Variants in SCPEP1 observed in about 807,000 individuals in gnomAD.
SCPEP1 encodes retinoid-inducible serine carboxypeptidase.
A neutral mutation model predicts 63.8 loss-of-function variants in SCPEP1; 51 were observed. That is an observed-to-expected ratio of 0.80 (90% CI 0.64 to 1.01). The LOEUF is 1.01. Among genes scored for constraint, SCPEP1 ranks in the 50% least tolerant of loss-of-function variants. SCPEP1 has a pLI of 0.00. For missense variants in SCPEP1, 499 were observed against 554.9 expected, an observed-to-expected ratio of 0.90 and a Z score of 1.01; for synonymous variants, 204 against 207.8, an observed-to-expected ratio of 0.98 and a Z score of 0.16.
chr17:56,995,116 G>A, intron 7 of SCPEP1, 98 bp downstream of exon 7: 2 of 1,113,590 alleles, frequency 1.8e-6, no homozygotes, highest in Non-Finnish European at 2.7e-6. Flanking sequence ...GTTTGCCTAT[G>A]TGGTTGACAC....
intron 3 of SCPEP1, chr17:56,987,445 A>C (rs1911255133): frequency 9.5e-6 from 3 of 314,708 alleles, no homozygotes; most frequent in African/African-American, 2.2e-5. Context: ...CGTGTGTGTT[A>C]ATCTTTCCTT....
chr17:56,981,682 C>T (rs760328503), intron 2 of SCPEP1, among the ~76,000 whole-genome samples: 3 of 152,124 alleles, frequency 2.0e-5, no homozygotes, highest in Admixed American at 6.6e-5. Context: ...ATTATCCAGG[C>T]ATGGTAGCAC....
chr17:56,985,016 G>A (rs1412903103), intron 2 of SCPEP1: 2 of 248,554 alleles, frequency 8.0e-6, no homozygotes, highest in African/African-American at 2.3e-5. Flanking sequence ...GAGGCGGGAG[G>A]ATCACTTGAA....
chr17:57,005,234 AG>A (rs892479274), intron 12 of SCPEP1, among the ~76,000 whole-genome samples: 2 of 152,188 alleles, frequency 1.3e-5, no homozygotes, highest in Non-Finnish European at 2.9e-5. Flanking sequence ...TTTTCCAATG[AG>A]GGATGCTCAG....
At chr17:57,002,296 A>T in intron 12 of SCPEP1, 115 bp downstream of exon 12, 1 of 997,490 alleles carries the variant, frequency 1.0e-6, no homozygotes, top group African/African-American at 1.6e-5. Context: ...CGAGGGCCCG[A>T]GGGCCAGGTA....
chr17:57,000,897 T>C lies in SCPEP1; in HGVS notation c.1037T>C (p.Met346Thr). Residue 346 changes from methionine to threonine, a missense_variant, in exon 11 of 13, where the codon ATG (methionine) becomes ACG (threonine). By Grantham distance (81) the Met-to-Thr change is moderately conservative. Coordinates refer to ENST00000262288, the MANE Select transcript of SCPEP1 (RefSeq NM_021626.3). ...NVFVNMEEDF[M>T]KPVISIVDEL... ...TTTGTGAACATGGAGGAGGACTTCA[T>C]GAAGCCAGTCATTAGCATTGTGGAC... 1 of 1,614,194 alleles carries C rather than the reference T, an allele frequency of 6.2e-7. No individual in the cohort carries two copies. Among genetic ancestry groups the C allele is most frequent in the Non-Finnish European group, 8.5e-7 (1 of 1,180,042 alleles).
At chr17:57,001,655 C>T (rs869173540) in intron 11 of SCPEP1, among the ~76,000 whole-genome samples, 2 of 152,114 alleles carry the variant, frequency 1.3e-5, no homozygotes, top group African/African-American at 4.8e-5. Flanking sequence ...ATGAACATCC[C>T]AGGTGATCCT....
At chr17:57,002,452 A>G (rs1911767989) in intron 12 of SCPEP1, among the ~76,000 whole-genome samples, 1 of 152,242 alleles carries the variant, frequency 6.6e-6, no homozygotes, top group South Asian at 2.1e-4. Flanking sequence ...ACAGAGGCTC[A>G]TGCCTGCAAT....
At chr17:56,979,848 C>T (rs1489019861) in intron 1 of SCPEP1, among the ~76,000 whole-genome samples, 2 of 151,994 alleles carry the variant, frequency 1.3e-5, no homozygotes, top group African/African-American at 4.8e-5. Flanking sequence ...TTCTTTTGTA[C>T]AGTCTCTGGG....
chr17:57,001,785 C>G (rs1207114094), intron 11 of SCPEP1, among the ~76,000 whole-genome samples: 2 of 152,208 alleles, frequency 1.3e-5, no homozygotes, highest in African/African-American at 4.8e-5. Flanking sequence ...CAAAATCAGT[C>G]AGGCTTTGCA....
chr17:56,994,106 G>T (rs887558616), intron 6 of SCPEP1, among the ~76,000 whole-genome samples: 2 of 152,210 alleles, frequency 1.3e-5, no homozygotes, highest in African/African-American at 2.4e-5. Flanking sequence ...GGAGACCAAA[G>T]CGAGCAGATT....
At position 57,006,366 on chromosome 17, in the gene SCPEP1, T is replaced by C. The variant is rs1291036806; in HGVS notation, c.*131T>C. The stretch of plus-strand genomic sequence containing the variant: ...TGTGATCAAGAAGGTTCTGACCAGC[T>C]TCTGCAGAGGATAAAATCATTGTCT... On this transcript the variant is annotated 3_prime_UTR_variant, in exon 13 of 13. Transcript: ENST00000262288. 9.2e-6 allele frequency: 5 copies of C among 541,578 alleles called. No homozygotes were observed. The highest frequency in any genetic ancestry group is 1.6e-5 in the Non-Finnish European group (5 of 316,120). 33.5% of individuals were successfully genotyped at this position (541,578 alleles called of 1,614,324 possible).
intron 3 of SCPEP1, 94 bp from the exon 4 acceptor site, chr17:56,987,601 G>A (rs1911261806): frequency 7.9e-7 from 1 of 1,258,610 alleles, no homozygotes; most frequent in Admixed American, 2.0e-5. Context: ...ATCCTCACAT[G>A]TGTGGGTTTT....
At chr17:57,000,795 A>C in intron 10 of SCPEP1, 60 bp from the exon 11 acceptor site, 4 of 1,598,616 alleles carry the variant, frequency 2.5e-6, no homozygotes, top group Non-Finnish European at 3.4e-6. Context: ...CTGGGCTGAA[A>C]GGTACCTCCT....
chr17:56,995,064 A>G, intron 7 of SCPEP1, 46 bp downstream of exon 7: 1 of 1,538,504 alleles, frequency 6.5e-7, no homozygotes, highest in South Asian at 1.1e-5. Context: ...AGCCCAGCAG[A>G]TCTCTTCTGG....
rs759316997 is a variant in SCPEP1, at chr17:56,988,294, A to G, written c.546+4A>G. 6 of 1,602,994 alleles carry G rather than the reference A, an allele frequency of 3.7e-6. No homozygotes were observed. The highest frequency in any genetic ancestry group is 5.1e-6 in the Non-Finnish European group (6 of 1,172,458). On this transcript the variant is annotated splice_donor_region_variant and intron_variant, in intron 5 of 12. Transcript: ENST00000262288. ...CATTGGTCTAGAGCTTTATAAGGTA[A>G]TGGAAAATAACTTTGTTGTTATGGT...
At position 57,006,177 on chromosome 17, in the gene SCPEP1, C is replaced by T. The variant is rs781317539; in HGVS notation, c.1301C>T (p.Pro434Leu). The change falls in exon 13 of 13, where the codon CCT becomes CTT. Residue 434 changes from proline to leucine, a missense_variant. Physicochemically the swap from Pro to Leu is moderately conservative, Grantham distance 98. Coordinates refer to ENST00000262288, the MANE Select transcript of SCPEP1 (RefSeq NM_021626.3). ...TCAGATGTTGTTTTTTTCTAGGTTC[C>T]TTCTGACCAAGGGGACATGGCTCTG... ...YWILKAGHMV[P>L]SDQGDMALKM... 1.2e-6 allele frequency: 2 copies of T among 1,610,070 alleles called. No homozygotes were observed. The highest frequency in any genetic ancestry group is 1.7e-6 in the Non-Finnish European group (2 of 1,178,248).
intron 11 of SCPEP1, 119 bp from the exon 12 acceptor site, chr17:57,001,899 A>C: frequency 4.8e-6 from 5 of 1,040,392 alleles, no homozygotes; most frequent in Non-Finnish European, 7.0e-6. Context: ...TTTTAACAAG[A>C]TCCTGAGTGA....
At position 56,978,153 on chromosome 17, in the gene SCPEP1, ACTTGTCATGGAG is replaced by A; in HGVS notation, c.-4_8del. On this transcript the variant is annotated start_lost and 5_prime_UTR_variant, in exon 1 of 13. Transcript: ENST00000262288. ...CCTGTTGCTGATGCTGCCGTGCGGT[ACTTGTCATGGAG>A]CTGGCACTGCGGCGCTCTCCCGTCC... 1 of 1,333,752 alleles carries A rather than the reference ACTTGTCATGGAG, an allele frequency of 7.5e-7. No homozygotes were observed. The highest frequency in any genetic ancestry group is 1.0e-6 in the Non-Finnish European group (1 of 953,162). 82.6% of individuals were successfully genotyped at this position (1,333,752 alleles called of 1,614,324 possible).
Sources: gnomAD v4.1 joint callset for allele counts (sites outside exome capture counted in the v4.1 genomes callset) on GRCh38, gnomAD v4.1.1 for gene constraint, MANE v1.5 for transcripts, NCBI Gene and HGNC (gene_info 2026-07-23, HGNC 2026-07-21) for gene names.